TOX2: variants seen among roughly 807,000 people sequenced by gnomAD.
TOX2 encodes granulosa cell HMG box 1.
TOX2 carries 15 observed loss-of-function variants against 47.4 expected under a neutral mutation model. The observed-to-expected ratio is 0.32, with a 90% CI of 0.21 to 0.49. TOX2 has a LOEUF of 0.49. Among genes scored for constraint, TOX2 ranks in the 20% least tolerant of loss-of-function variants. TOX2 has a pLI of 0.99. For missense variants in TOX2, 622 were observed against 673.1 expected (o/e 0.92, Z 0.84); for synonymous variants, 290 against 296.6 (o/e 0.98, Z 0.23).
chr20:43,965,632 C>T (rs1389476706), intron 1 of TOX2, among the ~76,000 whole-genome samples: 1 of 152,198 alleles, frequency 6.6e-6, no homozygotes, highest in Non-Finnish European at 1.5e-5. Flanking sequence ...TGTAGATTCC[C>T]CAGTGGCTGG....
intron 5 of TOX2, among the ~76,000 whole-genome samples, chr20:44,059,150 A>G (rs2071673761): frequency 6.6e-6 from 1 of 152,194 alleles, no homozygotes; most frequent in East Asian, 1.9e-4. Context: ...GAATGGAAAA[A>G]TCTCCAGTGA....
At chr20:43,989,665 A>G (rs913339450) in intron 2 of TOX2, among the ~76,000 whole-genome samples, 10 of 152,058 alleles carry the variant, frequency 6.6e-5, no homozygotes, top group African/African-American at 2.2e-4. Context: ...CTGTAATCCC[A>G]GCTACTCAGG....
chr20:44,038,593 T>G (rs941894056), intron 3 of TOX2, among the ~76,000 whole-genome samples: 1 of 151,758 alleles, frequency 6.6e-6, no homozygotes, highest in Admixed American at 6.6e-5. Flanking sequence ...GGAAAAAAAT[T>G]CCACCTTTCC....
intron 2 of TOX2, among the ~76,000 whole-genome samples, chr20:43,977,010 C>T (rs192407279): frequency 6.6e-6 from 1 of 152,204 alleles, no homozygotes; most frequent in African/African-American, 2.4e-5. Flanking sequence ...TTCACCCAAT[C>T]AGCAAATGTT....
At chr20:43,998,470 G>C (rs955945202) in intron 2 of TOX2, among the ~76,000 whole-genome samples, 7 of 152,284 alleles carry the variant, frequency 4.6e-5, no homozygotes, top group African/African-American at 1.4e-4. Context: ...GCGTCATTCA[G>C]ATCCTCAATC....
At chr20:44,061,642 A>T (rs191457525) in intron 5 of TOX2, among the ~76,000 whole-genome samples, 2 of 152,202 alleles carry the variant, frequency 1.3e-5, no homozygotes, top group African/African-American at 4.8e-5. Flanking sequence ...AGAAAGAAAG[A>T]GCATCCAAAT....
At position 44,009,427 on chromosome 20, in the gene TOX2, C is replaced by G. The variant is rs76427468; in HGVS notation, c.411+2635C>G. The stretch of plus-strand genomic sequence containing the variant: ...CGAAAGAGTTCAATGAAAATGGATG[C>G]TCCGTTTCTCCAGAAATTTTTTCCT... On this transcript the variant is annotated intron_variant, in intron 3 of 8. Transcript: ENST00000341197. Among the ~76,000 whole-genome samples the G allele has an allele frequency of 7.9e-3, 1,202 of 152,290 alleles. 29 individuals carry two copies. Among genetic ancestry groups the G allele is most frequent in the Admixed American group, 0.054 (826 of 15,298 alleles).
chr20:44,028,591 A>C (rs950388549), intron 3 of TOX2, among the ~76,000 whole-genome samples: 1 of 151,900 alleles, frequency 6.6e-6, no homozygotes, highest in African/African-American at 2.4e-5. Flanking sequence ...AGTGAACAAA[A>C]CTGATGACAA....
intron 1 of TOX2, among the ~76,000 whole-genome samples, chr20:43,952,595 C>A (rs1318524525): frequency 6.6e-6 from 1 of 152,144 alleles, no homozygotes; most frequent in Non-Finnish European, 1.5e-5. Flanking sequence ...CCAGAGGAGA[C>A]CCACGTTGTT....
At chr20:44,008,630 AT>A (rs570979989) in intron 3 of TOX2, among the ~76,000 whole-genome samples, 1 of 151,880 alleles carries the variant, frequency 6.6e-6, no homozygotes, top group Non-Finnish European at 1.5e-5. Flanking sequence ...ACAGTAGAGC[AT>A]TTTTTTTATA....
chr20:44,000,477 G>C (rs953594408), intron 2 of TOX2, among the ~76,000 whole-genome samples: 1 of 152,166 alleles, frequency 6.6e-6, no homozygotes, highest in African/African-American at 2.4e-5. Context: ...GACTGTGGGA[G>C]GGGTAGGTTC....
intron 3 of TOX2, among the ~76,000 whole-genome samples, chr20:44,048,823 T>C (rs2071459823): frequency 6.6e-6 from 1 of 152,090 alleles, no homozygotes; most frequent in South Asian, 2.1e-4. Flanking sequence ...CAATTGTCTG[T>C]CTTCTTTTTG....
rs377157041 is a variant in TOX2, at chr20:43,964,715, T to C, written c.100-8652T>C. On this transcript the variant is annotated intron_variant, in intron 1 of 8. Transcript: ENST00000341197. ...ACAAGTTCCCAACCACTCTGAGCCT[T>C]ACCTTGCTCATCTTGACAGTGGGGC... 5.9e-5 allele frequency among the ~76,000 whole-genome samples: 9 copies of C among 152,328 alleles called. No homozygotes were observed. The East Asian group carries it at 1.7e-3, about 29-fold the overall frequency.
At chr20:44,061,461 A>T (rs2071717394) in intron 5 of TOX2, among the ~76,000 whole-genome samples, 1 of 152,066 alleles carries the variant, frequency 6.6e-6, no homozygotes, top group South Asian at 2.1e-4. Flanking sequence ...CATAGAAGGG[A>T]TATACTTCAA....
rs2069041531 is a variant in TOX2 at position 43,915,113 on chromosome 20, G to T, written c.99+123G>T. ...TCAGCCCCGCCGACGGGCACGGGCGGCTCACATCGATCCCCTCGCGGCCAC... is the reference window on the plus strand; with the variant it reads ...TCAGCCCCGCCGACGGGCACGGGCGTCTCACATCGATCCCCTCGCGGCCAC... On this transcript the variant is annotated intron_variant, in intron 1 of 8. Coordinates refer to ENST00000341197, the MANE Select transcript of TOX2 (RefSeq NM_001098797.2). This position sits in a 1 kb window ranked among gnomAD's most constrained non-coding sequence, Gnocchi z 7.1. 2 of 482,324 alleles carry T rather than the reference G, an allele frequency of 4.1e-6. No individual in the cohort carries two copies. Among genetic ancestry groups the T allele is most frequent in the Non-Finnish European group, 5.7e-6 (2 of 352,032 alleles). 29.9% of individuals were successfully genotyped at this position (482,324 alleles called of 1,614,324 possible). A position where few individuals can be genotyped will look rare whatever the true frequency, so the allele number is the denominator to read the frequency against.
intron 1 of TOX2, among the ~76,000 whole-genome samples, chr20:43,917,511 A>G (rs959528503): frequency 6.6e-6 from 1 of 152,194 alleles, no homozygotes; most frequent in African/African-American, 2.4e-5. Context: ...GGCTCGTTGC[A>G]CAGGGAGCCA....
At chr20:44,032,668 GGA>G (rs1316692607) in intron 3 of TOX2, among the ~76,000 whole-genome samples, 2 of 152,174 alleles carry the variant, frequency 1.3e-5, no homozygotes, top group Non-Finnish European at 2.9e-5. Context: ...TCTGAGCAGA[GGA>G]GAGAGGGTCT....
intron 1 of TOX2, among the ~76,000 whole-genome samples, chr20:43,932,462 CA>C (rs2069264311): frequency 6.6e-6 from 1 of 152,152 alleles, no homozygotes; most frequent in African/African-American, 2.4e-5. Context: ...AATCAGACAG[CA>C]AATAGAAAAC....
chr20:44,030,527 T>C (rs1267529999), intron 3 of TOX2, among the ~76,000 whole-genome samples: 1 of 151,996 alleles, frequency 6.6e-6, no homozygotes, highest in Non-Finnish European at 1.5e-5. Context: ...TCCCCAACCC[T>C]CCTCACCCCT....
Sources: allele counts gnomAD v4.1 joint callset (sites outside exome capture counted in the v4.1 genomes callset), GRCh38; gene constraint gnomAD v4.1.1; non-coding constraint Gnocchi (gnomAD v3.1); transcripts MANE v1.5; gene names NCBI Gene and HGNC (gene_info 2026-07-23, HGNC 2026-07-21).